CSRP2: variants seen among roughly 807,000 people sequenced by gnomAD.
CSRP2 encodes cysteine and glycine rich protein 2.
Under a neutral mutation model 24.6 loss-of-function variants are expected in CSRP2, and 18 were observed. That is an observed-to-expected ratio of 0.73 (90% CI 0.51 to 1.09). The LOEUF (loss-of-function observed/expected upper bound fraction) is 1.09, where lower values mean the gene tolerates loss of function less well. Ranked by LOEUF, CSRP2 falls within the 50% of genes least tolerant of loss-of-function variation. The probability of loss-of-function intolerance (pLI) is 0.00; values close to 1 mark genes in which losing one functional copy is unlikely to be tolerated. For synonymous variants in CSRP2, 87 were observed against 84.3 expected, an observed-to-expected ratio of 1.03 and a Z score of -0.18; for missense variants, 215 against 239.4, an observed-to-expected ratio of 0.90 and a Z score of 0.67.
intron 1 of CSRP2, among the ~76,000 whole-genome samples, chr12:76,872,018 T>C (rs903394536): frequency 6.6e-6 from 1 of 152,196 alleles, no homozygotes; most frequent in Non-Finnish European, 1.5e-5. Flanking sequence ...GCTGCATGCC[T>C]TTCCCAAATC....
In CSRP2 at chr12:76,872,709, A is replaced by G. The variant is rs538432625; in HGVS notation, c.-2+6229T>C. On this transcript the variant is annotated intron_variant, in intron 1 of 5. Coordinates refer to ENST00000311083, the MANE Select transcript of CSRP2 (RefSeq NM_001321.3). The stretch of plus-strand genomic sequence containing the variant: ...AGACATCGCCTCCTCCAGTCTTTGC[A>G]TATATACCAGGCTGGTATCCATTGC... 2.0e-3 allele frequency among the ~76,000 whole-genome samples: 300 copies of G among 152,348 alleles called. 2 individuals are homozygous for G. Among genetic ancestry groups the G allele is most frequent in the African/African-American group, 5.8e-3 (240 of 41,582 alleles).
chr12:76,869,495 T>C (rs1953770611), intron 1 of CSRP2, among the ~76,000 whole-genome samples: 1 of 150,342 alleles, frequency 6.7e-6, no homozygotes, highest in Admixed American at 6.7e-5. Flanking sequence ...TCTTAAGTCA[T>C]TTGGAATTGG....
rs757258105 is a variant in CSRP2 at position 76,860,265 on chromosome 12, A to G, written c.411+19T>C. On this transcript the variant is annotated intron_variant, in intron 4 of 5. Transcript: ENST00000311083. ...AGAGAGAAGTCATTTGCTGTTATTA[A>G]TTCCAAATAGCACTTTACCTTTCCA... 6.2e-7 allele frequency: 1 copy of G among 1,611,052 alleles called. No individual in the cohort carries two copies. The highest frequency in any genetic ancestry group is 8.5e-7 in the Non-Finnish European group (1 of 1,177,888).
At chr12:76,862,275 C>T (rs922585486) in intron 3 of CSRP2, 1 of 151,964 alleles carries the variant, frequency 6.6e-6, no homozygotes, top group Admixed American at 6.5e-5. Flanking sequence ...CACGGTGGCT[C>T]ATGCCTGTTA....
chr12:76,860,185 T>TC, intron 4 of CSRP2, 99 bp downstream of exon 4: 1 of 1,315,170 alleles, frequency 7.6e-7, no homozygotes, highest in Non-Finnish European at 1.0e-6. Flanking sequence ...AAGACAGTGA[T>TC]TTGTAAGACA....
At chr12:76,866,040 G>A in intron 2 of CSRP2, 109 bp downstream of exon 2, 1 of 768,090 alleles carries the variant, frequency 1.3e-6, no homozygotes, top group Non-Finnish European at 2.2e-6. Flanking sequence ...AACCATTCGT[G>A]CTTTCAAAAT....
chr12:76,868,816 C>T (rs1412359747), intron 1 of CSRP2, among the ~76,000 whole-genome samples: 1 of 151,906 alleles, frequency 6.6e-6, no homozygotes. Context: ...GCCTGTAGTC[C>T]CAGCTACTCA....
chr12:76,860,615 CTCAT>C, intron 3 of CSRP2: 3 of 477,416 alleles, frequency 6.3e-6, no homozygotes, highest in Non-Finnish European at 1.1e-5. Context: ...TATCTATGGG[CTCAT>C]TATTATTTCA....
rs142091062 is a variant in CSRP2 at position 76,871,598 on chromosome 12, G to A, written c.-1-5337C>T. ...ATCCTGGCTAACACGGTGAAACCCC[G>A]TCTCTACTAAAAATACTTAGCCGGG... On this transcript the variant is annotated intron_variant, in intron 1 of 5. Coordinates refer to ENST00000311083, the MANE Select transcript of CSRP2 (RefSeq NM_001321.3). Among the ~76,000 whole-genome samples the A allele has an allele frequency of 2.2e-3, 334 of 152,064 alleles. 2 individuals carry two copies. Among genetic ancestry groups the A allele is most frequent in the East Asian group, 9.3e-3 (48 of 5,150 alleles).
At chr12:76,860,141 C>A in intron 4 of CSRP2, 143 bp downstream of exon 4, 3 of 869,252 alleles carry the variant, frequency 3.5e-6, no homozygotes, top group Non-Finnish European at 1.7e-6. Flanking sequence ...GTTAATGATT[C>A]TGATGGAAAT....
At chr12:76,870,924 G>C (rs1272448677) in intron 1 of CSRP2, among the ~76,000 whole-genome samples, 1 of 123,788 alleles carries the variant, frequency 8.1e-6, no homozygotes, top group Non-Finnish European at 1.6e-5. Flanking sequence ...AGTGAGCTAT[G>C]ATTGCACCAC....
At chr12:76,874,784 C>T (rs931131029) in intron 1 of CSRP2, among the ~76,000 whole-genome samples, 7 of 152,104 alleles carry the variant, frequency 4.6e-5, no homozygotes, top group African/African-American at 1.2e-4. Flanking sequence ...GGAGCGGGAA[C>T]GCTATTGTGA....
chr12:76,861,509 T>A (rs1047877171), intron 3 of CSRP2: 1 of 151,966 alleles, frequency 6.6e-6, no homozygotes, highest in Non-Finnish European at 1.5e-5. Context: ...GGATATGGAT[T>A]TTGAAAGGTT....
chr12:76,869,507 G>T (rs1486317633), intron 1 of CSRP2, among the ~76,000 whole-genome samples: 1 of 144,886 alleles, frequency 6.9e-6, no homozygotes. Context: ...TGGAATTGGA[G>T]CTCCTGTTCC....
At chr12:76,873,352 A>G (rs1334182973) in intron 1 of CSRP2, among the ~76,000 whole-genome samples, 1 of 152,208 alleles carries the variant, frequency 6.6e-6, no homozygotes, top group Non-Finnish European at 1.5e-5. Flanking sequence ...GCTGTAGTTA[A>G]TTGGAAATTA....
chr12:76,863,153 TAACCAAC>T lies in CSRP2; in HGVS notation c.281+16_281+22del. ...AACTGTCGCAACTCATTTCTGAAGG[TAACCAAC>T]GGTCTCCCAACTCACCTCTCTGGTT... On this transcript the variant is annotated intron_variant, in intron 3 of 5. Coordinates refer to ENST00000311083, the MANE Select transcript of CSRP2 (RefSeq NM_001321.3). 1 of 1,595,032 alleles carries T rather than the reference TAACCAAC, an allele frequency of 6.3e-7. No individual in the cohort carries two copies. The highest frequency in any genetic ancestry group is 1.1e-5 in the South Asian group (1 of 89,128).
At chr12:76,867,839 C>T (rs1326711844) in intron 1 of CSRP2, among the ~76,000 whole-genome samples, 1 of 152,152 alleles carries the variant, frequency 6.6e-6, no homozygotes, top group African/African-American at 2.4e-5. Context: ...TAAAGAGTCT[C>T]CAATCCTTAA....
chr12:76,866,115 T>TTA (rs1953732570), intron 2 of CSRP2, 34 bp downstream of exon 2: 1 of 1,527,856 alleles, frequency 6.5e-7, no homozygotes, highest in Admixed American at 1.7e-5. Flanking sequence ...TACATACAAA[T>TTA]TCCGTCAAAG....
chr12:76,870,713 G>T (rs75629630), intron 1 of CSRP2, among the ~76,000 whole-genome samples: 9 of 150,804 alleles, frequency 6.0e-5, no homozygotes, highest in African/African-American at 2.2e-4. Context: ...TTTTTTTTAA[G>T]ATGGTTAGGG....
Sources: allele counts gnomAD v4.1 joint callset (sites outside exome capture counted in the v4.1 genomes callset), GRCh38; gene constraint gnomAD v4.1.1; transcripts MANE v1.5; gene names NCBI Gene and HGNC (gene_info 2026-07-23, HGNC 2026-07-21).